The following GNB4 variants were observed in gnomAD, a reference collection of about 807,000 sequenced individuals.
GNB4 encodes guanine nucleotide-binding protein subunit beta-4.
Under a neutral mutation model 45.2 loss-of-function variants are expected in GNB4, and 28 were observed. The ratio of observed to expected loss-of-function variants is 0.62; its 90% CI spans 0.46 to 0.85. GNB4 has a LOEUF of 0.85. Among genes scored for constraint, GNB4 ranks in the 40% least tolerant of loss-of-function variants. The pLI, the probability that GNB4 is intolerant of heterozygous loss-of-function variation, is 0.00. For synonymous variants in GNB4, 132 were observed against 143.7 expected (o/e 0.92, Z 0.58); for missense variants, 321 against 425.4 (o/e 0.75, Z 2.16).
the GNB4 span, among the ~76,000 whole-genome samples, chr3:179,493,619 G>T: frequency 6.6e-6 from 1 of 151,900 alleles, no homozygotes. Context: ...AGGGGTCCCA[G>T]AATGAGAAGA....
At chr3:179,491,197 G>A in the GNB4 span, among the ~76,000 whole-genome samples, 1 of 152,108 alleles carries the variant, frequency 6.6e-6, no homozygotes, top group African/African-American at 2.4e-5. Flanking sequence ...AATAAGAAAA[G>A]GTTCCTGTGC....
the GNB4 span, chr3:179,464,954 AG>A: frequency 6.5e-7 from 1 of 1,548,286 alleles, no homozygotes; most frequent in Non-Finnish European, 8.9e-7. Flanking sequence ...AAGGTCAAAA[AG>A]TGTTGAAATG....
At chr3:179,454,676 C>T (rs568118958), upstream of GNB4, among the ~76,000 whole-genome samples, 24 of 152,274 alleles carry the variant, frequency 1.6e-4, no homozygotes, top group South Asian at 4.1e-4. Context: ...TGCTCTCAGA[C>T]GATGCCAAGC....
At chr3:179,428,874 G>T (rs1185576788) in intron 1 of GNB4, among the ~76,000 whole-genome samples, 1 of 152,154 alleles carries the variant, frequency 6.6e-6, no homozygotes, top group East Asian at 1.9e-4. Flanking sequence ...TCTAAAGCAG[G>T]AGTTACCTGT....
At chr3:179,504,869 T>G in the GNB4 span, among the ~76,000 whole-genome samples, 10 of 151,972 alleles carry the variant, frequency 6.6e-5, no homozygotes, top group African/African-American at 2.4e-4. Context: ...GGCTCTGGGG[T>G]GTAGAGCCAG....
the GNB4 span, among the ~76,000 whole-genome samples, chr3:179,478,638 G>A: frequency 6.6e-6 from 1 of 152,074 alleles, no homozygotes; most frequent in African/African-American, 2.4e-5. Flanking sequence ...TCAACCTCCT[G>A]AACTCAAGCA....
the GNB4 span, among the ~76,000 whole-genome samples, chr3:179,499,544 A>G: frequency 0.31 from 47,269 of 152,152 alleles, 8,739 homozygotes; most frequent in East Asian, 0.56. Context: ...CAGTGCTGCA[A>G]TAAACATACG....
chr3:179,437,273 C>T (rs1198091770), intron 1 of GNB4, among the ~76,000 whole-genome samples: 2 of 152,104 alleles, frequency 1.3e-5, no homozygotes, highest in African/African-American at 4.8e-5. Flanking sequence ...AAAGCATGTT[C>T]ATATGAGGTA....
At chr3:179,468,035 A>AAAAAAAAAAAAATATATATATAT in the GNB4 span, among the ~76,000 whole-genome samples, 15 of 89,864 alleles carry the variant, frequency 1.7e-4, no homozygotes, top group African/African-American at 4.8e-4. Context: ...TGTTGATAAA[A>AAAAAAAAAAAAATATATATATAT]ATATATATAT....
At chr3:179,487,550 A>G in the GNB4 span, among the ~76,000 whole-genome samples, 1 of 152,206 alleles carries the variant, frequency 6.6e-6, no homozygotes, top group Non-Finnish European at 1.5e-5. Context: ...ATGTTAAAAT[A>G]GAGATCATAA....
chr3:179,452,291 TG>T (rs2108627532), upstream of GNB4: 1 of 152,264 alleles, frequency 6.6e-6, no homozygotes, highest in South Asian at 2.1e-4. Context: ...CTATCCAATT[TG>T]CTTCCTCTGA....
intron 1 of GNB4, among the ~76,000 whole-genome samples, chr3:179,443,997 C>A (rs989216691): frequency 2.6e-5 from 4 of 152,176 alleles, no homozygotes; most frequent in African/African-American, 9.7e-5. Flanking sequence ...TATCCTACAA[C>A]ACTCTCTATC....
chr3:179,427,532 G>A (rs1042901845), intron 1 of GNB4, among the ~76,000 whole-genome samples: 3 of 151,336 alleles, frequency 2.0e-5, no homozygotes, highest in African/African-American at 4.9e-5. Context: ...TTGAATCTGG[G>A]AGGAGGAGGC....
At chr3:179,494,267 A>C in the GNB4 span, among the ~76,000 whole-genome samples, 1 of 121,412 alleles carries the variant, frequency 8.2e-6, no homozygotes, top group South Asian at 2.4e-4. Flanking sequence ...GAAAGGAAGA[A>C]AGAAAGAAAG....
chr3:179,400,703 A>G lies in GNB4; in HGVS notation c.*510T>C, dbSNP rs1171265590. The G allele has an allele frequency of 1.3e-5, 2 of 152,304 alleles. No individual in the cohort carries two copies. Among genetic ancestry groups the G allele is most frequent in the African/African-American group, 4.8e-5 (2 of 41,460 alleles). 9.4% of individuals were successfully genotyped at this position (152,304 alleles called of 1,614,324 possible). ...GCCCCACCTGTCAATGCTCTTAAAC[A>G]TGAAGCTATCAGGATCTCTTAGATT... On this transcript the variant is annotated 3_prime_UTR_variant, in exon 10 of 10. Transcript: ENST00000232564.
upstream of GNB4, among the ~76,000 whole-genome samples, chr3:179,455,749 A>C (rs985584161): frequency 7.2e-5 from 11 of 152,224 alleles, no homozygotes; most frequent in Non-Finnish European, 1.5e-4. Context: ...TAATTTGTTC[A>C]TGAATTTCCA....
chr3:179,473,519 T>C, the GNB4 span, among the ~76,000 whole-genome samples: 2 of 152,138 alleles, frequency 1.3e-5, no homozygotes, highest in African/African-American at 4.8e-5. Context: ...CAATGAAGGC[T>C]TGACCTCCTG....
chr3:179,444,230 T>C (rs949828523), intron 1 of GNB4, among the ~76,000 whole-genome samples: 1 of 152,184 alleles, frequency 6.6e-6, no homozygotes. Flanking sequence ...TTTTCATTTT[T>C]TTCCCCCCAA....
At chr3:179,427,974 G>A (rs142481141) in intron 1 of GNB4, among the ~76,000 whole-genome samples, 21 of 152,182 alleles carry the variant, frequency 1.4e-4, no homozygotes, top group South Asian at 2.1e-4. Flanking sequence ...ATTGTAGCCC[G>A]AAATGACTGT....
Sources: allele counts gnomAD v4.1 joint callset (sites outside exome capture counted in the v4.1 genomes callset), GRCh38; gene constraint gnomAD v4.1.1; transcripts MANE v1.5; gene names NCBI Gene and HGNC (gene_info 2026-07-23, HGNC 2026-07-21).